The following SLC25A12 variants were observed in gnomAD, a reference collection of about 807,000 sequenced individuals.
The protein encoded by SLC25A12 is solute carrier family 25 member 12.
In SLC25A12, 32 loss-of-function variants were observed where a neutral mutation model predicts 83.3. That is an observed-to-expected ratio of 0.38 (90% CI 0.29 to 0.52). The LOEUF is 0.52. Ranked by LOEUF, SLC25A12 falls within the 20% of genes least tolerant of loss-of-function variation. The pLI, the probability that SLC25A12 is intolerant of heterozygous loss-of-function variation, is 0.84. For synonymous variants in SLC25A12, 267 were observed against 291.1 expected (o/e 0.92, Z 0.84); for missense variants, 611 against 835.6 (o/e 0.73, Z 3.31).
At chr2:171,837,092 G>A (rs748241556) in intron 6 of SLC25A12, 29 bp downstream of exon 6, 2 of 1,612,040 alleles carry the variant, frequency 1.2e-6, no homozygotes, top group African/African-American at 2.7e-5. Flanking sequence ...TGAGGAAATA[G>A]AAAGTTAAAG....
intron 2 of SLC25A12, among the ~76,000 whole-genome samples, chr2:171,884,193 T>C (rs916184256): frequency 2.2e-4 from 33 of 150,160 alleles, no homozygotes; most frequent in Non-Finnish European, 4.4e-4. Context: ...CTGTGGGCTT[T>C]TTTTTTTTTC....
intron 6 of SLC25A12, among the ~76,000 whole-genome samples, chr2:171,835,732 T>C (rs1280837181): frequency 6.6e-6 from 1 of 152,198 alleles, no homozygotes; most frequent in Non-Finnish European, 1.5e-5. Flanking sequence ...TGTAACAATT[T>C]TAATCATAAA....
At chr2:171,881,165 G>GTTGTTGTTGTTA (rs1685686590) in intron 2 of SLC25A12, among the ~76,000 whole-genome samples, 1 of 150,554 alleles carries the variant, frequency 6.6e-6, no homozygotes, top group African/African-American at 2.5e-5. Flanking sequence ...TGTTGTTGTT[G>GTTGTTGTTGTTA]TTGTTGAGAC....
intron 17 of SLC25A12, among the ~76,000 whole-genome samples, chr2:171,787,010 T>C (rs1259807217): frequency 6.6e-6 from 1 of 152,248 alleles, no homozygotes; most frequent in African/African-American, 2.4e-5. Context: ...TATTTGCTTA[T>C]GTGAAAAAAG....
intron 8 of SLC25A12, among the ~76,000 whole-genome samples, chr2:171,827,264 G>A (rs1428288428): frequency 6.6e-6 from 1 of 151,956 alleles, no homozygotes. Flanking sequence ...GATAAATACT[G>A]GTTGCCTCGA....
intron 9 of SLC25A12, among the ~76,000 whole-genome samples, chr2:171,822,194 T>C (rs1187934642): frequency 6.6e-6 from 1 of 152,212 alleles, no homozygotes; most frequent in Admixed American, 6.5e-5. Flanking sequence ...GATTAAGCAG[T>C]TGTGTCACAT....
chr2:171,800,481 C>A lies in SLC25A12; in HGVS notation c.1306-6714G>T, dbSNP rs550580747. On this transcript the variant is annotated intron_variant, in intron 13 of 17. Coordinates refer to ENST00000422440, the MANE Select transcript of SLC25A12 (RefSeq NM_003705.5). ...TTACTATCAAAAACACTACAGATATCAAACATTAGTGAAGATGTGGAACAA... is the reference window on the plus strand; with the variant it reads ...TTACTATCAAAAACACTACAGATATAAAACATTAGTGAAGATGTGGAACAA... Among the ~76,000 whole-genome samples the A allele has an allele frequency of 4.6e-5, 7 of 152,248 alleles. No individual in the cohort carries two copies. The South Asian group carries it at 1.5e-3, about 32-fold the overall frequency.
At chr2:171,828,662 C>CA (rs1385758316) in intron 8 of SLC25A12, among the ~76,000 whole-genome samples, 3 of 152,176 alleles carry the variant, frequency 2.0e-5, no homozygotes, top group Non-Finnish European at 4.4e-5. Flanking sequence ...TTTTCATGCC[C>CA]AAAATCTACC....
chr2:171,877,945 TG>T, intron 2 of SLC25A12, among the ~76,000 whole-genome samples: 1 of 152,300 alleles, frequency 6.6e-6, no homozygotes, highest in South Asian at 2.1e-4. Context: ...ACTAGAAAAC[TG>T]GTTACTTTTA....
At chr2:171,812,622 G>C (rs562956389) in intron 11 of SLC25A12, among the ~76,000 whole-genome samples, 290 of 151,680 alleles carry the variant, frequency 1.9e-3, no homozygotes, top group African/African-American at 6.6e-3. Flanking sequence ...AAGACAACGG[G>C]GGGTGGGGAA....
At position 171,809,598 on chromosome 2, in the gene SLC25A12, A is replaced by G; in HGVS notation, c.1305+8T>C. 1 of 1,609,518 alleles carries G rather than the reference A, an allele frequency of 6.2e-7. No homozygotes were observed. Among genetic ancestry groups the G allele is most frequent in the Non-Finnish European group, 8.5e-7 (1 of 1,175,822 alleles). On this transcript the variant is annotated splice_region_variant and intron_variant, in intron 13 of 17. Transcript: ENST00000422440. ...TTGTCACAAGAAGCGCCTAACAGTAATACTTACACAGCCTCCAGCAAGAAC... is the reference window on the plus strand; with the variant it reads ...TTGTCACAAGAAGCGCCTAACAGTAGTACTTACACAGCCTCCAGCAAGAAC...
At chr2:171,885,918 C>T (rs373071041) in intron 2 of SLC25A12, among the ~76,000 whole-genome samples, 1 of 152,170 alleles carries the variant, frequency 6.6e-6, no homozygotes, top group Admixed American at 6.5e-5. Flanking sequence ...AATACATATA[C>T]ATTGAGACTA....
chr2:171,873,109 G>A (rs923387217), intron 2 of SLC25A12, among the ~76,000 whole-genome samples: 1 of 152,162 alleles, frequency 6.6e-6, no homozygotes, highest in Non-Finnish European at 1.5e-5. Context: ...GTGAAGGAGA[G>A]AAGAACTAAC....
chr2:171,878,491 T>C (rs1685617711), intron 2 of SLC25A12, among the ~76,000 whole-genome samples: 1 of 152,202 alleles, frequency 6.6e-6, no homozygotes. Context: ...GAAGAAATTA[T>C]TGTTCTAACC....
rs186380594 is a variant in SLC25A12 at position 171,873,292 on chromosome 2, C to T, written c.67-4469G>A. Among the ~76,000 whole-genome samples, 445 of 152,118 alleles carry T rather than the reference C, an allele frequency of 2.9e-3. 1 individual carries two copies. The highest frequency in any genetic ancestry group is 0.01 in the African/African-American group (422 of 41,486). ...TGAAACCCCATCTCTACTAAAAATA[C>T]AAAAAATTAGCTAGGTGTGGTGGCA... On this transcript the variant is annotated intron_variant, in intron 2 of 17. Transcript: ENST00000422440.
intron 17 of SLC25A12, among the ~76,000 whole-genome samples, chr2:171,785,756 C>G (rs1035861777): frequency 6.6e-6 from 1 of 152,142 alleles, no homozygotes; most frequent in Non-Finnish European, 1.5e-5. Context: ...AGAAAAGACA[C>G]TCAAATATGA....
chr2:171,874,952 CG>C (rs1558941151), intron 2 of SLC25A12, among the ~76,000 whole-genome samples: 1 of 152,184 alleles, frequency 6.6e-6, no homozygotes, highest in African/African-American at 2.4e-5. Flanking sequence ...CTACTCCCTT[CG>C]CAAACCCCCT....
intron 5 of SLC25A12, among the ~76,000 whole-genome samples, chr2:171,840,974 A>G (rs1476373440): frequency 6.6e-6 from 1 of 152,238 alleles, no homozygotes; most frequent in African/African-American, 2.4e-5. Flanking sequence ...CTAGAAAACA[A>G]AAGAGCAATG....
chr2:171,801,689 G>A (rs780930962), intron 13 of SLC25A12, among the ~76,000 whole-genome samples: 40 of 152,078 alleles, frequency 2.6e-4, no homozygotes, highest in Admixed American at 2.6e-4. Context: ...TAAATTACAT[G>A]AGATATCCAA....
Sources: allele counts gnomAD v4.1 joint callset (sites outside exome capture counted in the v4.1 genomes callset), GRCh38; gene constraint gnomAD v4.1.1; transcripts MANE v1.5; gene names NCBI Gene and HGNC (gene_info 2026-07-23, HGNC 2026-07-21).